Variants in NFIB observed in about 807,000 individuals in gnomAD.
NFIB encodes the protein nuclear factor 1 B-type.
Under a neutral mutation model 61.5 loss-of-function variants are expected in NFIB, and 11 were observed. The observed-to-expected ratio is 0.18, with a 90% confidence interval of 0.11 to 0.30. The LOEUF is 0.30. Ranked by LOEUF, NFIB falls within the 10% of genes least tolerant of loss-of-function variation. NFIB has a pLI of 1.00. For synonymous variants in NFIB, 260 were observed against 216.5 expected (o/e 1.20, Z -1.76); for missense variants, 471 against 608.9 (o/e 0.77, Z 2.38).
chr9:14,394,799 T>G (rs1015449298), intron 1 of NFIB, among the ~76,000 whole-genome samples: 1 of 152,196 alleles, frequency 6.6e-6, no homozygotes, highest in Non-Finnish European at 1.5e-5. Flanking sequence ...AACAAGTTAC[T>G]GAACTGCCCT....
At chr9:14,381,753 T>G (rs79382221) in intron 1 of NFIB, among the ~76,000 whole-genome samples, 1 of 152,180 alleles carries the variant, frequency 6.6e-6, no homozygotes, top group South Asian at 2.1e-4. Context: ...GGAGAAGCAA[T>G]GAAAGAACCC....
rs2032083952 is a variant in NFIB, at chr9:14,082,375, T to G, written c.*5934A>C. On this transcript the variant is annotated 3_prime_UTR_variant, in exon 11 of 11. Coordinates refer to ENST00000380953, the MANE Select transcript of NFIB (RefSeq NM_001190737.2). ...ATGTATCTAAAGAAACACACAGTCC[T>G]ACAAAAGTTGTTCTCAGAGAAATAT... is the stretch of plus-strand genomic sequence containing the variant. 1 of 204,028 alleles carries G rather than the reference T, an allele frequency of 4.9e-6. No individual in the cohort carries two copies. 12.6% of individuals were successfully genotyped at this position (204,028 alleles called of 1,614,324 possible).
intron 2 of NFIB, among the ~76,000 whole-genome samples, chr9:14,274,351 G>A (rs1440649457): frequency 6.6e-6 from 1 of 150,812 alleles, no homozygotes; most frequent in Non-Finnish European, 1.5e-5. Flanking sequence ...TTTCTCAGGG[G>A]CTTAGGAGGG....
chr9:14,180,813 TG>T (rs1457962180), intron 2 of NFIB: 2 of 152,244 alleles, frequency 1.3e-5, no homozygotes, highest in African/African-American at 4.8e-5. Context: ...GCACTAGGCT[TG>T]CAGTAAACGC....
chr9:14,096,798 G>C (rs533578626), intron 10 of NFIB: 14 of 152,270 alleles, frequency 9.2e-5, no homozygotes, highest in African/African-American at 2.9e-4. Flanking sequence ...TTCAAGTATG[G>C]AGCATGGTTA....
At chr9:14,163,081 T>G (rs1352989191) in intron 3 of NFIB, among the ~76,000 whole-genome samples, 3 of 152,056 alleles carry the variant, frequency 2.0e-5, no homozygotes, top group African/African-American at 7.2e-5. Context: ...ATATAGGTAA[T>G]AATCATACTA....
the NFIB span, among the ~76,000 whole-genome samples, chr9:14,407,669 G>A: frequency 6.6e-6 from 1 of 152,046 alleles, no homozygotes; most frequent in African/African-American, 2.4e-5. Flanking sequence ...AAGTTTGTCT[G>A]CACCAAAAAA....
At chr9:14,167,879 C>T (rs1210366965) in intron 3 of NFIB, among the ~76,000 whole-genome samples, 1 of 152,166 alleles carries the variant, frequency 6.6e-6, no homozygotes, top group African/African-American at 2.4e-5. Flanking sequence ...AAGCAGCAAA[C>T]AGGACTTCTC....
At chr9:14,309,750 C>T (rs2060197365) in intron 1 of NFIB, among the ~76,000 whole-genome samples, 1 of 152,168 alleles carries the variant, frequency 6.6e-6, no homozygotes, top group Admixed American at 6.5e-5. Flanking sequence ...AAAAGGAAAG[C>T]CTGCTCAAGG....
chr9:14,506,078 C>T, the NFIB span, among the ~76,000 whole-genome samples: 1 of 152,172 alleles, frequency 6.6e-6, no homozygotes, highest in South Asian at 2.1e-4. Flanking sequence ...AAAATAAAAA[C>T]AATCATACAA....
intron 2 of NFIB, among the ~76,000 whole-genome samples, chr9:14,211,125 T>C (rs1271488115): frequency 1.3e-5 from 2 of 152,170 alleles, no homozygotes; most frequent in African/African-American, 2.4e-5. Flanking sequence ...CTGGAAAAAC[T>C]TGCGGTAAAA....
the NFIB span, among the ~76,000 whole-genome samples, chr9:14,485,689 A>G: frequency 6.6e-6 from 1 of 152,194 alleles, no homozygotes; most frequent in Non-Finnish European, 1.5e-5. Flanking sequence ...AGCTTGGCTA[A>G]CATGCTGAAA....
chr9:14,146,942 G>T, intron 5 of NFIB, 135 bp from the exon 6 acceptor site: 1 of 1,159,302 alleles, frequency 8.6e-7, no homozygotes, highest in Non-Finnish European at 1.2e-6. Flanking sequence ...ATAATGGTGA[G>T]TATTGAAGAT....
At chr9:14,267,769 T>C (rs561228129) in intron 2 of NFIB, among the ~76,000 whole-genome samples, 369 of 152,336 alleles carry the variant, frequency 2.4e-3, no homozygotes, top group Non-Finnish European at 2.8e-3. Flanking sequence ...GGAACATCGG[T>C]GGTATGACAG....
chr9:14,134,695 G>C (rs540889106), intron 6 of NFIB, among the ~76,000 whole-genome samples: 2 of 151,850 alleles, frequency 1.3e-5, no homozygotes, highest in Non-Finnish European at 2.9e-5. Context: ...TCAGGAGTTC[G>C]AGACCAGCCT....
the NFIB span, among the ~76,000 whole-genome samples, chr9:14,521,121 T>C: frequency 1.3e-5 from 2 of 152,176 alleles, no homozygotes; most frequent in East Asian, 3.9e-4. Flanking sequence ...AAGAGTGGCT[T>C]TAGTGAGCAG....
the NFIB span, among the ~76,000 whole-genome samples, chr9:14,510,086 G>A: frequency 6.6e-6 from 1 of 152,266 alleles, no homozygotes; most frequent in South Asian, 2.1e-4. Flanking sequence ...AGTAGAGACA[G>A]GATTTCACCA....
intron 10 of NFIB, among the ~76,000 whole-genome samples, chr9:14,100,000 G>T (rs533791468): frequency 6.6e-6 from 1 of 152,216 alleles, no homozygotes; most frequent in African/African-American, 2.4e-5. Flanking sequence ...TTGAACCTGG[G>T]AAGCGGAGGT....
At position 14,288,063 on chromosome 9, in the gene NFIB, A is replaced by T. The variant is rs527693773; in HGVS notation, c.562+18926T>A. On this transcript the variant is annotated intron_variant, in intron 2 of 10. Coordinates refer to ENST00000380953, the MANE Select transcript of NFIB (RefSeq NM_001190737.2). Reference sequence around the variant, plus strand: ...TTAAGAATATTTTTAAATACAGTATATTTGCAGAATATTTTGCTTTCTAGA... The same window carrying T: ...TTAAGAATATTTTTAAATACAGTATTTTTGCAGAATATTTTGCTTTCTAGA... Among the ~76,000 whole-genome samples, 17 of 152,254 alleles carry T rather than the reference A, an allele frequency of 1.1e-4. No individual in the cohort carries two copies. In the South Asian group the frequency reaches 3.3e-3, roughly 30 times the overall value.
Sources: allele counts gnomAD v4.1 joint callset (sites outside exome capture counted in the v4.1 genomes callset), GRCh38; gene constraint gnomAD v4.1.1; transcripts MANE v1.5; gene names NCBI Gene and HGNC (gene_info 2026-07-23, HGNC 2026-07-21).